CUX2: variants seen among roughly 807,000 people sequenced by gnomAD.
CUX2 encodes homeobox protein cut-like 2.
Under a neutral mutation model 144.8 loss-of-function variants are expected in CUX2, and 40 were observed. The ratio of observed to expected loss-of-function variants is 0.28; its 90% CI spans 0.21 to 0.36. The LOEUF is 0.36. CUX2 is among the 10% of genes least tolerant of loss of function. The pLI is 1.00. For synonymous variants in CUX2, 827 were observed against 875.6 expected (o/e 0.94, Z 0.98); for missense variants, 1,615 against 1,994.0 (o/e 0.81, Z 3.62).
At chr12:111,177,537 C>G (rs908122428) in intron 1 of CUX2, among the ~76,000 whole-genome samples, 1 of 152,132 alleles carries the variant, frequency 6.6e-6, no homozygotes, top group Non-Finnish European at 1.5e-5. Context: ...ACTACAGGTA[C>G]GCGCCACCAC....
At chr12:111,324,161 C>T (rs1004359739) in intron 18 of CUX2, among the ~76,000 whole-genome samples, 9 of 151,934 alleles carry the variant, frequency 5.9e-5, no homozygotes, top group African/African-American at 1.2e-4. Context: ...CCAGTCTGGC[C>T]AACATGGTGA....
chr12:111,215,534 G>T (rs1208926035), intron 2 of CUX2, among the ~76,000 whole-genome samples: 1 of 152,226 alleles, frequency 6.6e-6, no homozygotes, highest in African/African-American at 2.4e-5. Context: ...ATGAATCTCA[G>T]GTCTAAAAGC....
chr12:111,300,278 A>T (rs1886226113), intron 9 of CUX2, among the ~76,000 whole-genome samples: 1 of 151,882 alleles, frequency 6.6e-6, no homozygotes, highest in South Asian at 2.1e-4. Flanking sequence ...GCACCACCAC[A>T]TCCGGCTAAT....
At chr12:111,210,714 C>G (rs1881175282) in intron 1 of CUX2, among the ~76,000 whole-genome samples, 1 of 151,968 alleles carries the variant, frequency 6.6e-6, no homozygotes. Flanking sequence ...GAAGGATCGC[C>G]TGAGCCTGGG....
intron 1 of CUX2, among the ~76,000 whole-genome samples, chr12:111,052,900 C>T (rs114643037): frequency 0.012 from 1,831 of 152,308 alleles, 37 homozygotes; most frequent in African/African-American, 0.042. Flanking sequence ...GGAGGTGACA[C>T]GGGCATGTGG....
In CUX2 at chr12:111,302,559, G is replaced by A. The variant is rs74520525; in HGVS notation, c.754-1651G>A. Among the ~76,000 whole-genome samples the A allele has an allele frequency of 6.6e-3, 1,005 of 152,292 alleles. 2 individuals carry two copies. The highest frequency in any genetic ancestry group is 9.3e-3 in the Non-Finnish European group (632 of 68,028). ...TCTCTCCAAAGCCACAAGATTAAATGTATTAACATTTGAATGCTTCCTTCC... is the reference window on the plus strand; with the variant it reads ...TCTCTCCAAAGCCACAAGATTAAATATATTAACATTTGAATGCTTCCTTCC... On this transcript the variant is annotated intron_variant, in intron 9 of 21. Coordinates refer to ENST00000261726, the MANE Select transcript of CUX2 (RefSeq NM_015267.4).
intron 1 of CUX2, among the ~76,000 whole-genome samples, chr12:111,087,754 G>A (rs1025491076): frequency 1.3e-5 from 2 of 152,208 alleles, no homozygotes; most frequent in African/African-American, 4.8e-5. Context: ...ATGGATATCT[G>A]TTGAATGAAT....
rs114032946 is a variant in CUX2 at position 111,035,833 on chromosome 12, G to A, written c.63+1593G>A. 2.6e-5 allele frequency among the ~76,000 whole-genome samples: 4 copies of A among 152,028 alleles called. No homozygotes were observed. Among genetic ancestry groups the A allele is most frequent in the Non-Finnish European group, 5.9e-5 (4 of 68,026 alleles). ...AACTGCCGAGTGCCTTGCAATTCCG[G>A]GTCCGCACTCGAGTTGGGGCTACAG... On this transcript the variant is annotated intron_variant, in intron 1 of 21. Coordinates refer to ENST00000261726, the MANE Select transcript of CUX2 (RefSeq NM_015267.4). The surrounding 1 kb of genome is among the most constrained non-coding windows in gnomAD (Gnocchi z 6.0).
At chr12:111,132,557 CTTTTTTTTTT>C (rs1182564665) in intron 1 of CUX2, among the ~76,000 whole-genome samples, 20 of 97,158 alleles carry the variant, frequency 2.1e-4, no homozygotes, top group African/African-American at 8.9e-4. Context: ...GCTCTGTTTC[CTTTTTTTTTT>C]TTTTTTTTTT....
chr12:111,217,987 C>T (rs1458566903), intron 3 of CUX2, 50 bp downstream of exon 3: 3 of 1,602,620 alleles, frequency 1.9e-6, no homozygotes, highest in South Asian at 2.2e-5. Context: ...CAATGGCTCC[C>T]CCTCCTATCC....
intron 3 of CUX2, among the ~76,000 whole-genome samples, chr12:111,242,595 C>T (rs1042485780): frequency 6.6e-6 from 1 of 152,144 alleles, no homozygotes; most frequent in Non-Finnish European, 1.5e-5. Flanking sequence ...GGGCAGATCA[C>T]CTTAGGTCAG....
At chr12:111,067,261 CT>C (rs1218511899) in intron 1 of CUX2, among the ~76,000 whole-genome samples, 3 of 152,208 alleles carry the variant, frequency 2.0e-5, no homozygotes, top group Non-Finnish European at 4.4e-5. Flanking sequence ...AGTCACATGA[CT>C]TAAGCTGGGC....
chr12:111,170,165 C>T lies in CUX2; in HGVS notation c.64-44035C>T, dbSNP rs377335455. Among the ~76,000 whole-genome samples, 29 of 152,216 alleles carry T rather than the reference C, an allele frequency of 1.9e-4. No homozygotes were observed. In the East Asian group the frequency reaches 3.7e-3, roughly 19 times the overall value. ...GTATTAAGAACAATAACTGGCCAGG[C>T]GTGGTGGCTCACGCCTGTAATCCCA... On this transcript the variant is annotated intron_variant, in intron 1 of 21. Coordinates refer to ENST00000261726, the MANE Select transcript of CUX2 (RefSeq NM_015267.4).
chr12:111,308,256 C>T (rs893391952), intron 12 of CUX2, 29 bp from the exon 13 acceptor site: 2 of 1,613,646 alleles, frequency 1.2e-6, no homozygotes, highest in African/African-American at 2.7e-5. Context: ...GGCTGGCTGA[C>T]CTCAGACCCT....
chr12:111,199,871 A>G (rs1880472279), intron 1 of CUX2, among the ~76,000 whole-genome samples: 1 of 151,424 alleles, frequency 6.6e-6, no homozygotes, highest in Non-Finnish European at 1.5e-5. Context: ...GTCTGTGTGT[A>G]TTTATGTCTC....
intron 1 of CUX2, among the ~76,000 whole-genome samples, chr12:111,092,471 C>A (rs1329369083): frequency 6.6e-6 from 1 of 152,118 alleles, no homozygotes; most frequent in Non-Finnish European, 1.5e-5. Flanking sequence ...CTTCCCAATG[C>A]GGCTGTTGGG....
At chr12:111,086,261 G>A (rs1872210416) in intron 1 of CUX2, among the ~76,000 whole-genome samples, 1 of 152,200 alleles carries the variant, frequency 6.6e-6, no homozygotes. Flanking sequence ...TGTGAGTTCA[G>A]AACTTAAGAT....
rs1385768049 is a variant in CUX2, at chr12:111,068,834, G to T, written c.63+34594G>T. ...AAGAATGTGGCCCTGGGCAGGGTTT[G>T]GTGGCTCATGCCTGTCATCCCAGCA... On this transcript the variant is annotated intron_variant, in intron 1 of 21. Transcript: ENST00000261726. The surrounding 1 kb of genome is among the most constrained non-coding windows in gnomAD (Gnocchi z 4.9). Among the ~76,000 whole-genome samples, 2 of 152,214 alleles carry T rather than the reference G, an allele frequency of 1.3e-5. No homozygotes were observed. Among genetic ancestry groups the T allele is most frequent in the African/African-American group, 4.8e-5 (2 of 41,464 alleles).
chr12:111,145,123 C>T (rs1876584669), intron 1 of CUX2, among the ~76,000 whole-genome samples: 1 of 152,218 alleles, frequency 6.6e-6, no homozygotes, highest in African/African-American at 2.4e-5. Flanking sequence ...AACCCTCTTT[C>T]CTCGAGCTGT....
Sources: allele counts gnomAD v4.1 joint callset (sites outside exome capture counted in the v4.1 genomes callset), GRCh38; gene constraint gnomAD v4.1.1; non-coding constraint Gnocchi (gnomAD v3.1); transcripts MANE v1.5; gene names NCBI Gene and HGNC (gene_info 2026-07-23, HGNC 2026-07-21).